The following IQGAP2 variants were observed in gnomAD, a reference collection of about 807,000 sequenced individuals.
The protein encoded by IQGAP2 is ras GTPase-activating-like protein IQGAP2.
A neutral mutation model predicts 201.3 loss-of-function variants in IQGAP2; 173 were observed. The ratio of observed to expected loss-of-function variants is 0.86; its 90% CI spans 0.76 to 0.98. IQGAP2 has a LOEUF of 0.98. Ranked by LOEUF, IQGAP2 falls within the 50% of genes least tolerant of loss-of-function variation. The probability of loss-of-function intolerance (pLI) is 0.00; values close to 1 mark genes in which losing one functional copy is unlikely to be tolerated. For missense variants in IQGAP2, 1,687 were observed against 1,864.8 expected (o/e 0.90, Z 1.76); for synonymous variants, 675 against 673.9 (o/e 1.00, Z -0.03).
At position 76,508,015 on chromosome 5, in the gene IQGAP2, A is replaced by AAG. The variant is rs1554062860; in HGVS notation, c.146+46347_146+46348insGA. ...GTGAGACTCCTTCTCAAAAAAAAAA[A>AAG]AAAAAAAAAAAATGGGCCAAAGATA... On this transcript the variant is annotated intron_variant, in intron 2 of 35. Coordinates refer to ENST00000274364, the MANE Select transcript of IQGAP2 (RefSeq NM_006633.5). 5.5e-3 allele frequency among the ~76,000 whole-genome samples: 823 copies of AAG among 149,806 alleles called. 11 individuals are homozygous for AAG. The highest frequency in any genetic ancestry group is 0.019 in the African/African-American group (767 of 40,468).
At chr5:76,535,909 G>A (rs1458396719) in intron 2 of IQGAP2, among the ~76,000 whole-genome samples, 2 of 152,156 alleles carry the variant, frequency 1.3e-5, no homozygotes, top group African/African-American at 4.8e-5. Flanking sequence ...TAGGGATGGT[G>A]ATGGGAATTA....
At chr5:76,609,356 C>T in intron 12 of IQGAP2, 1 of 844,194 alleles carries the variant, frequency 1.2e-6, no homozygotes, top group Non-Finnish European at 1.8e-6. Flanking sequence ...CTTAGACTTT[C>T]CAGAGTTCTG....
chr5:76,640,441 C>T (rs1033440044), intron 16 of IQGAP2, among the ~76,000 whole-genome samples: 48 of 152,254 alleles, frequency 3.2e-4, no homozygotes, highest in Admixed American at 2.1e-3. Context: ...ACCCCTTTGT[C>T]TTTTGCCCCA....
intron 1 of IQGAP2, among the ~76,000 whole-genome samples, chr5:76,457,198 A>G (rs950218516): frequency 1.3e-5 from 2 of 152,108 alleles, no homozygotes; most frequent in Admixed American, 6.6e-5. Flanking sequence ...CATGTTGCCC[A>G]TGCTAGTCTC....
At chr5:76,697,401 C>A (rs7731047) in intron 32 of IQGAP2, among the ~76,000 whole-genome samples, 10 of 152,018 alleles carry the variant, frequency 6.6e-5, no homozygotes, top group African/African-American at 2.2e-4. Context: ...CCCAGCACTT[C>A]GGGAGGCCGA....
intron 2 of IQGAP2, among the ~76,000 whole-genome samples, chr5:76,477,296 A>G (rs1172482356): frequency 2.0e-5 from 3 of 152,212 alleles, no homozygotes; most frequent in African/African-American, 4.8e-5. Context: ...CACAGTGATC[A>G]CACCACTGCA....
chr5:76,597,480 G>A lies in IQGAP2; in HGVS notation c.949G>A (p.Gly317Ser). The part of the protein sequence containing the change: ...VDHINAVIPE[G>S]DPENTLLALK... The stretch of plus-strand genomic sequence containing the variant: ...CCATATCAATGCTGTCATTCCGGAA[G>A]GTGACCCCGAGAATACGCTGCTTGC... Residue 317 changes from glycine (G) to serine (S), a missense_variant, in exon 10 of 36, where the codon GGT becomes AGT. Transcript: ENST00000274364. The A allele has an allele frequency of 6.2e-7, 1 of 1,614,040 alleles. No individual in the cohort carries two copies. Among genetic ancestry groups the A allele is most frequent in the East Asian group, 2.2e-5 (1 of 44,882 alleles).
intron 20 of IQGAP2, among the ~76,000 whole-genome samples, chr5:76,657,297 C>T (rs916400808): frequency 6.6e-6 from 1 of 152,160 alleles, no homozygotes; most frequent in Non-Finnish European, 1.5e-5. Flanking sequence ...AGCGGTGGTG[C>T]ATTGCTAAGG....
intron 2 of IQGAP2, among the ~76,000 whole-genome samples, chr5:76,544,871 A>G (rs538263781): frequency 6.6e-6 from 1 of 152,282 alleles, no homozygotes; most frequent in Admixed American, 6.5e-5. Context: ...AGGTAACTCT[A>G]TAGCGATAGA....
In IQGAP2 at chr5:76,589,030, C is replaced by T; in HGVS notation, c.526+57C>T. The T allele has an allele frequency of 4.8e-6, 6 of 1,256,154 alleles. No individual in the cohort carries two copies. In the South Asian group the frequency reaches 7.4e-5, roughly 16 times the overall value. 77.8% of individuals were successfully genotyped at this position (1,256,154 alleles called of 1,614,324 possible). Reference sequence around the variant, plus strand: ...ATCTAGTTATAAAAAGTACCAATACCTGGCCGGGCGTGGTGGCTCATGCCT... The same window carrying T: ...ATCTAGTTATAAAAAGTACCAATACTTGGCCGGGCGTGGTGGCTCATGCCT... On this transcript the variant is annotated intron_variant, in intron 6 of 35. Coordinates refer to ENST00000274364, the MANE Select transcript of IQGAP2 (RefSeq NM_006633.5).
chr5:76,689,256 A>AAAAAAAAAAAAAAAAC (rs60187879), intron 30 of IQGAP2, among the ~76,000 whole-genome samples: 1 of 148,316 alleles, frequency 6.7e-6, no homozygotes, highest in African/African-American at 2.5e-5. Context: ...AAAAAAAAAA[A>AAAAAAAAAAAAAAAAC]CCTGGTCGAG....
At chr5:76,657,421 C>A (rs1290727694) in intron 20 of IQGAP2, among the ~76,000 whole-genome samples, 2 of 152,206 alleles carry the variant, frequency 1.3e-5, no homozygotes, top group African/African-American at 4.8e-5. Context: ...AAGGAAAATT[C>A]TCCAATAAAG....
intron 2 of IQGAP2, among the ~76,000 whole-genome samples, chr5:76,545,226 A>G (rs1366472659): frequency 6.6e-6 from 1 of 152,214 alleles, no homozygotes; most frequent in African/African-American, 2.4e-5. Flanking sequence ...AAAATTAGAA[A>G]TGGACCGAAC....
chr5:76,621,444 C>A (rs1355789633), intron 13 of IQGAP2, among the ~76,000 whole-genome samples: 3 of 152,240 alleles, frequency 2.0e-5, no homozygotes, highest in Non-Finnish European at 4.4e-5. Context: ...CTTCTGCTCA[C>A]TTTTGCATTT....
intron 1 of IQGAP2, among the ~76,000 whole-genome samples, chr5:76,420,656 T>C (rs1561358335): frequency 1.3e-5 from 2 of 152,230 alleles, no homozygotes; most frequent in Non-Finnish European, 2.9e-5. Context: ...ATTACAGGCG[T>C]GAGCCACCGT....
chr5:76,642,722 T>C (rs544361547), intron 17 of IQGAP2, among the ~76,000 whole-genome samples: 2 of 152,304 alleles, frequency 1.3e-5, no homozygotes, highest in Admixed American at 1.3e-4. Flanking sequence ...CTGGCTGAAC[T>C]GCCCCCCAGA....
At chr5:76,489,231 G>A (rs1021136973) in intron 2 of IQGAP2, among the ~76,000 whole-genome samples, 4 of 152,156 alleles carry the variant, frequency 2.6e-5, no homozygotes, top group African/African-American at 2.4e-5. Flanking sequence ...GGTCCCTGCA[G>A]TCCAGAGTCT....
chr5:76,545,943 T>A (rs1474544997), intron 2 of IQGAP2, among the ~76,000 whole-genome samples: 2 of 152,186 alleles, frequency 1.3e-5, no homozygotes, highest in African/African-American at 4.8e-5. Flanking sequence ...GACATCTGAG[T>A]TTTTTATTTT....
At chr5:76,614,787 G>A (rs1333841824) in intron 13 of IQGAP2, among the ~76,000 whole-genome samples, 2 of 151,712 alleles carry the variant, frequency 1.3e-5, no homozygotes, top group Non-Finnish European at 2.9e-5. Flanking sequence ...TTCCAGTTGT[G>A]TGTTTATGAT....
Sources: gnomAD v4.1 joint callset for allele counts (sites outside exome capture counted in the v4.1 genomes callset) on GRCh38, gnomAD v4.1.1 for gene constraint, MANE v1.5 for transcripts, NCBI Gene and HGNC (gene_info 2026-07-23, HGNC 2026-07-21) for gene names.